The following ITGA9 variants were observed in gnomAD, a reference collection of about 807,000 sequenced individuals.
The protein encoded by ITGA9 is integrin alpha-9.
In ITGA9, 56 loss-of-function variants were observed where a neutral mutation model predicts 127.8. The observed-to-expected ratio is 0.44, with a 90% CI of 0.35 to 0.55. The LOEUF is 0.55. Ranked by LOEUF, ITGA9 falls within the 20% of genes least tolerant of loss-of-function variation. The probability of loss-of-function intolerance (pLI) is 0.00; values close to 1 mark genes in which losing one functional copy is unlikely to be tolerated. For missense variants in ITGA9, 1,196 were observed against 1,347.1 expected (o/e 0.89, Z 1.76); for synonymous variants, 508 against 514.5 (o/e 0.99, Z 0.17).
intron 7 of ITGA9, among the ~76,000 whole-genome samples, chr3:37,507,159 G>A (rs977015493): frequency 4.6e-5 from 7 of 152,164 alleles, no homozygotes; most frequent in African/African-American, 1.4e-4. Flanking sequence ...ATAAACCAGG[G>A]CCCTGAGCTG....
intron 14 of ITGA9, among the ~76,000 whole-genome samples, chr3:37,538,275 G>C (rs1051147701): frequency 6.6e-6 from 1 of 152,242 alleles, no homozygotes; most frequent in African/African-American, 2.4e-5. Context: ...CTTGCTGGGA[G>C]AGACCAGAGC....
In ITGA9 at chr3:37,650,855, A is replaced by G. The variant is rs879660838; in HGVS notation, c.1840-2859A>G. Among the ~76,000 whole-genome samples, 3 of 152,318 alleles carry G rather than the reference A, an allele frequency of 2.0e-5. No homozygotes were observed. In the East Asian group the frequency reaches 5.8e-4, roughly 29 times the overall value. Reference sequence around the variant, plus strand: ...GCACAGTGCCTAAGACAAAATTGCTATCACTGCAAGCTCCTACCCCTGGCT... The same window carrying G: ...GCACAGTGCCTAAGACAAAATTGCTGTCACTGCAAGCTCCTACCCCTGGCT... On this transcript the variant is annotated intron_variant, in intron 16 of 27. Coordinates refer to ENST00000264741, the MANE Select transcript of ITGA9 (RefSeq NM_002207.3).
At chr3:37,569,500 A>G (rs1699580503) in intron 15 of ITGA9, among the ~76,000 whole-genome samples, 2 of 152,234 alleles carry the variant, frequency 1.3e-5, no homozygotes, top group South Asian at 4.1e-4. Flanking sequence ...GGAGATATTG[A>G]TAAACCTTGG....
chr3:37,656,080 G>T (rs1388312981), intron 17 of ITGA9, among the ~76,000 whole-genome samples: 3 of 152,172 alleles, frequency 2.0e-5, no homozygotes, highest in South Asian at 2.1e-4. Flanking sequence ...GTACCATGCT[G>T]TTTTGGTTAC....
chr3:37,664,208 G>C (rs1700563536), intron 17 of ITGA9, among the ~76,000 whole-genome samples: 3 of 152,098 alleles, frequency 2.0e-5, no homozygotes, highest in African/African-American at 7.2e-5. Context: ...TAGAGACCTT[G>C]GGTAAAAAGT....
In ITGA9 at chr3:37,752,723, G is replaced by C. The variant is rs75381078; in HGVS notation, c.2541+2154G>C. 2.9e-3 allele frequency among the ~76,000 whole-genome samples: 447 copies of C among 152,306 alleles called. 9 individuals carry two copies. The East Asian group carries it at 0.068, about 23-fold the overall frequency. ...TTCAGAATTCATTTAGAAGTCTCTG[G>C]GGCTGCTTCTGGGGTCCCTGGGCAG... is the stretch of plus-strand genomic sequence containing the variant. On this transcript the variant is annotated intron_variant, in intron 23 of 27. Coordinates refer to ENST00000264741, the MANE Select transcript of ITGA9 (RefSeq NM_002207.3).
chr3:37,805,371 G>C (rs576246606), intron 27 of ITGA9, among the ~76,000 whole-genome samples: 81 of 152,156 alleles, frequency 5.3e-4, no homozygotes, highest in African/African-American at 1.9e-3. Flanking sequence ...ATTAATCTGG[G>C]AAAAACGTAT....
intron 26 of ITGA9, among the ~76,000 whole-genome samples, chr3:37,793,389 AACACACACACACACACACACAC>A (rs10575371): frequency 2.2e-5 from 3 of 134,458 alleles, no homozygotes; most frequent in Non-Finnish European, 3.2e-5. Context: ...CAAACAGGTC[AACACACACACACACACACACAC>A]ACACACACAC....
chr3:37,627,031 T>C (rs964778106), intron 15 of ITGA9, among the ~76,000 whole-genome samples: 4 of 152,220 alleles, frequency 2.6e-5, no homozygotes, highest in African/African-American at 9.6e-5. Flanking sequence ...AGGGAGGATC[T>C]GGATCCTGGG....
intron 26 of ITGA9, chr3:37,789,829 G>A: frequency 3.2e-6 from 1 of 316,752 alleles, no homozygotes; most frequent in Admixed American, 4.7e-5. Flanking sequence ...TTAAACATTT[G>A]GTAATTAACA....
intron 2 of ITGA9, among the ~76,000 whole-genome samples, chr3:37,473,148 A>G (rs1431189574): frequency 1.3e-5 from 2 of 151,404 alleles, no homozygotes; most frequent in African/African-American, 4.8e-5. Context: ...AAAAAAAAAA[A>G]AAAAAAAAAA....
intron 18 of ITGA9, among the ~76,000 whole-genome samples, chr3:37,708,595 A>G (rs1277175029): frequency 5.0e-5 from 1 of 19,890 alleles, no homozygotes; most frequent in Non-Finnish European, 1.2e-4. Flanking sequence ...TGGTTTCCAC[A>G]ACTAGTTCAG....
chr3:37,782,111 C>T (rs946623752), intron 25 of ITGA9, among the ~76,000 whole-genome samples: 2 of 152,230 alleles, frequency 1.3e-5, no homozygotes, highest in African/African-American at 4.8e-5. Context: ...GAAGTACCTT[C>T]CTGAAATGTG....
chr3:37,491,762 T>C (rs759930959), intron 4 of ITGA9, among the ~76,000 whole-genome samples: 15 of 152,192 alleles, frequency 9.9e-5, no homozygotes, highest in Non-Finnish European at 1.3e-4. Flanking sequence ...GTTTTTTAGA[T>C]ACGAGTATGG....
At chr3:37,493,672 A>G (rs1226642978) in intron 4 of ITGA9, among the ~76,000 whole-genome samples, 1 of 152,200 alleles carries the variant, frequency 6.6e-6, no homozygotes, top group Non-Finnish European at 1.5e-5. Flanking sequence ...GTGACCTTAG[A>G]CAATTCACTT....
intron 15 of ITGA9, among the ~76,000 whole-genome samples, chr3:37,561,895 G>A (rs1460960413): frequency 1.2e-4 from 18 of 152,206 alleles, no homozygotes; most frequent in Non-Finnish European, 2.6e-4. Context: ...TTTGGAGGGT[G>A]CAGAGGTAGA....
chr3:37,703,664 A>T lies in ITGA9; in HGVS notation c.2067+19649A>T, dbSNP rs572260388. ...TCTGCTAGTGTTTGCAAAAATAAGC[A>T]GAAAGCTTGCACTTTTCTCTGTTCT... On this transcript the variant is annotated intron_variant, in intron 18 of 27. Transcript: ENST00000264741. Among the ~76,000 whole-genome samples the T allele has an allele frequency of 2.6e-5, 4 of 152,376 alleles. No homozygotes were observed. In the South Asian group the frequency reaches 8.3e-4, roughly 32 times the overall value.
intron 27 of ITGA9, among the ~76,000 whole-genome samples, chr3:37,812,045 C>A (rs1697374827): frequency 6.6e-6 from 1 of 152,208 alleles, no homozygotes; most frequent in Admixed American, 6.5e-5. Flanking sequence ...TGGGTTATCA[C>A]CTTCCCTTCA....
intron 14 of ITGA9, among the ~76,000 whole-genome samples, chr3:37,534,305 G>A (rs951398547): frequency 6.6e-6 from 1 of 152,240 alleles, no homozygotes; most frequent in African/African-American, 2.4e-5. Flanking sequence ...AATGTCATGA[G>A]TGACTCCTTT....
Sources: allele counts gnomAD v4.1 joint callset (sites outside exome capture counted in the v4.1 genomes callset), GRCh38; gene constraint gnomAD v4.1.1; transcripts MANE v1.5; gene names NCBI Gene and HGNC (gene_info 2026-07-23, HGNC 2026-07-21).